The following PKIA variants were observed in gnomAD, a reference collection of about 807,000 sequenced individuals.
PKIA encodes the protein cAMP-dependent protein kinase inhibitor alpha.
PKIA carries 4 observed loss-of-function variants against 7.6 expected under a neutral mutation model. That is an observed-to-expected ratio of 0.52 (90% CI 0.26 to 1.20). The LOEUF is 1.20. Among genes scored for constraint, PKIA ranks in the 50% most tolerant of loss-of-function variants. The pLI, the probability that PKIA is intolerant of heterozygous loss-of-function variation, is 0.13. For synonymous variants in PKIA, 21 were observed against 30.7 expected (o/e 0.68, Z 1.04); for missense variants, 73 against 86.2 (o/e 0.85, Z 0.61).
At chr8:78,526,354 T>C (rs1382094478) in intron 1 of PKIA, among the ~76,000 whole-genome samples, 2 of 152,070 alleles carry the variant, frequency 1.3e-5, no homozygotes, top group African/African-American at 2.4e-5. Context: ...CAAAAGTCAA[T>C]TGGCTAGCAA....
At chr8:78,582,123 G>C (rs1807826450) in intron 2 of PKIA, among the ~76,000 whole-genome samples, 1 of 151,230 alleles carries the variant, frequency 6.6e-6, no homozygotes, top group Non-Finnish European at 1.5e-5. Context: ...TTCTAGCCTA[G>C]TGGTGCTAAT....
At chr8:78,529,494 G>A (rs1806340310) in intron 1 of PKIA, among the ~76,000 whole-genome samples, 1 of 152,036 alleles carries the variant, frequency 6.6e-6, no homozygotes, top group Non-Finnish European at 1.5e-5. Flanking sequence ...TTTTCAAGTG[G>A]ATCAGTCTTT....
intron 2 of PKIA, among the ~76,000 whole-genome samples, chr8:78,592,769 T>TAC (rs1808132279): frequency 6.6e-6 from 1 of 152,220 alleles, no homozygotes; most frequent in South Asian, 2.1e-4. Context: ...CTTTTATATA[T>TAC]ACCTTCTCAT....
intron 1 of PKIA, among the ~76,000 whole-genome samples, chr8:78,561,338 A>G (rs1409932274): frequency 1.3e-5 from 2 of 152,178 alleles, no homozygotes; most frequent in Non-Finnish European, 2.9e-5. Context: ...TGTTTCTGAT[A>G]TCGTGACACA....
At chr8:78,582,577 A>G (rs1807839988) in intron 2 of PKIA, among the ~76,000 whole-genome samples, 1 of 152,132 alleles carries the variant, frequency 6.6e-6, no homozygotes, top group Non-Finnish European at 1.5e-5. Flanking sequence ...GCCAAACTGT[A>G]TCAATGTTTT....
intron 1 of PKIA, among the ~76,000 whole-genome samples, chr8:78,547,425 G>T (rs1806855976): frequency 6.6e-6 from 1 of 152,004 alleles, no homozygotes; most frequent in Non-Finnish European, 1.5e-5. Flanking sequence ...TTAAAATGTT[G>T]CACACAAATA....
chr8:78,589,411 C>T (rs1808039150), intron 2 of PKIA, among the ~76,000 whole-genome samples: 1 of 152,170 alleles, frequency 6.6e-6, no homozygotes, highest in Non-Finnish European at 1.5e-5. Context: ...AAAGATAGTA[C>T]TTCTAACATT....
intron 1 of PKIA, among the ~76,000 whole-genome samples, chr8:78,567,145 T>C (rs1392187771): frequency 6.6e-6 from 1 of 152,164 alleles, no homozygotes; most frequent in Non-Finnish European, 1.5e-5. Flanking sequence ...AGATTTCTCA[T>C]ACATACTATA....
At chr8:78,579,954 G>T (rs542053990) in intron 2 of PKIA, among the ~76,000 whole-genome samples, 14 of 152,090 alleles carry the variant, frequency 9.2e-5, no homozygotes, top group Non-Finnish European at 1.3e-4. Context: ...ACATGGGCTG[G>T]TGCAGAGCAC....
intron 1 of PKIA, among the ~76,000 whole-genome samples, chr8:78,538,653 C>T (rs1395409096): frequency 6.6e-6 from 1 of 151,926 alleles, no homozygotes; most frequent in Non-Finnish European, 1.5e-5. Flanking sequence ...CCTCATCTGG[C>T]AGCTCTTGGT....
intron 1 of PKIA, 85 bp downstream of exon 1, chr8:78,516,553 A>C (rs1000504102): frequency 6.6e-6 from 1 of 152,508 alleles, no homozygotes; most frequent in Non-Finnish European, 1.5e-5. Flanking sequence ...GCACGGAGGG[A>C]AGAAGGGGAG....
At chr8:78,525,735 C>T (rs1050621230) in intron 1 of PKIA, among the ~76,000 whole-genome samples, 6 of 152,026 alleles carry the variant, frequency 3.9e-5, no homozygotes, top group Non-Finnish European at 8.8e-5. Context: ...AATCAAAAAG[C>T]TCTAACCATT....
chr8:78,527,257 G>A (rs1464142062), intron 1 of PKIA, among the ~76,000 whole-genome samples: 1 of 151,964 alleles, frequency 6.6e-6, no homozygotes, highest in Non-Finnish European at 1.5e-5. Context: ...TAAATTTGGG[G>A]CATAGTCTGA....
At chr8:78,591,871 A>AT (rs1165429418) in intron 2 of PKIA, among the ~76,000 whole-genome samples, 1 of 152,120 alleles carries the variant, frequency 6.6e-6, no homozygotes, top group South Asian at 2.1e-4. Flanking sequence ...TGTCCTGATT[A>AT]TTTTTATAAA....
chr8:78,546,678 G>A (rs948660703), intron 1 of PKIA, among the ~76,000 whole-genome samples: 1 of 152,150 alleles, frequency 6.6e-6, no homozygotes, highest in Non-Finnish European at 1.5e-5. Context: ...GCACCTGATT[G>A]TTTTTCATTC....
rs139413902 is a variant in PKIA at position 78,541,442 on chromosome 8, C to T, written c.-157+24974C>T. ...GAAATATCTGACAGAAATGTATTTC[C>T]ACTGAACTCTTTTATTTCTCTAACC... On this transcript the variant is annotated intron_variant, in intron 1 of 3. Coordinates refer to ENST00000396418, the MANE Select transcript of PKIA (RefSeq NM_006823.4). Among the ~76,000 whole-genome samples, 505 of 152,160 alleles carry T rather than the reference C, an allele frequency of 3.3e-3. 2 individuals are homozygous for T. Among genetic ancestry groups the T allele is most frequent in the Non-Finnish European group, 5.4e-3 (366 of 67,978 alleles).
Position 78,604,691 on chromosome 8 carries a change from A to T in PKIA, c.*2870A>T, listed in dbSNP as rs1285565178. The T allele has an allele frequency of 2.6e-5, 4 of 151,940 alleles. No homozygotes were observed. Among genetic ancestry groups the T allele is most frequent in the Admixed American group, 6.6e-5 (1 of 15,212 alleles). 9.4% of individuals were successfully genotyped at this position (151,940 alleles called of 1,614,324 possible). A position where few individuals can be genotyped will look rare whatever the true frequency, so the allele number is the denominator to read the frequency against. ...AAACACAGCATGATTCATATTTTTT[A>T]TGTTTCATGCTACTCATTTTGTTTA... On this transcript the variant is annotated 3_prime_UTR_variant, in exon 4 of 4. Coordinates refer to ENST00000396418, the MANE Select transcript of PKIA (RefSeq NM_006823.4).
chr8:78,548,369 A>G (rs768840063), intron 1 of PKIA, among the ~76,000 whole-genome samples: 1 of 152,162 alleles, frequency 6.6e-6, no homozygotes, highest in Non-Finnish European at 1.5e-5. Context: ...AATAAACTCA[A>G]TGTAAAGACC....
At chr8:78,540,980 TTTAA>T (rs1424427734) in intron 1 of PKIA, among the ~76,000 whole-genome samples, 2 of 152,080 alleles carry the variant, frequency 1.3e-5, no homozygotes, top group Non-Finnish European at 2.9e-5. Flanking sequence ...TTTATTTATT[TTTAA>T]TTGACAAAAT....
Sources: allele counts gnomAD v4.1 joint callset (sites outside exome capture counted in the v4.1 genomes callset), GRCh38; gene constraint gnomAD v4.1.1; transcripts MANE v1.5; gene names NCBI Gene and HGNC (gene_info 2026-07-23, HGNC 2026-07-21).